DOK6: variants seen among roughly 807,000 people sequenced by gnomAD.
DOK6 encodes the protein docking protein 6.
In DOK6, 22 loss-of-function variants were observed where a neutral mutation model predicts 44.0. The observed-to-expected ratio is 0.50, with a 90% CI of 0.36 to 0.71. The LOEUF (loss-of-function observed/expected upper bound fraction) is 0.71. DOK6 is among the 30% of genes least tolerant of loss of function. The probability of loss-of-function intolerance (pLI) is 0.00; values close to 1 mark genes in which losing one functional copy is unlikely to be tolerated. For missense variants in DOK6, 340 were observed against 416.4 expected (o/e 0.82, Z 1.60); for synonymous variants, 166 against 145.5 (o/e 1.14, Z -1.01).
At position 69,628,449 on chromosome 18, in the gene DOK6, C is replaced by T. The variant is rs563506438; in HGVS notation, c.289+28951C>T. On this transcript the variant is annotated intron_variant, in intron 3 of 7. Coordinates refer to ENST00000382713, the MANE Select transcript of DOK6 (RefSeq NM_152721.6). ...AACTTGCAGTGAGCCAAGATCACGC[C>T]ACTGCACTTCAGCCTGGGTGACAGA... Among the ~76,000 whole-genome samples the T allele has an allele frequency of 3.9e-5, 6 of 152,166 alleles. No homozygotes were observed. The East Asian group carries it at 1.2e-3, about 29-fold the overall frequency.
chr18:69,417,711 G>A (rs544613369), intron 1 of DOK6, among the ~76,000 whole-genome samples: 13 of 151,812 alleles, frequency 8.6e-5, no homozygotes, highest in African/African-American at 1.5e-4. Context: ...TTGCATCCTC[G>A]CCAGCATTTA....
chr18:69,417,529 A>C (rs191674067), intron 1 of DOK6, among the ~76,000 whole-genome samples: 237 of 152,212 alleles, frequency 1.6e-3, no homozygotes, highest in African/African-American at 5.5e-3. Context: ...TAAATATGGC[A>C]GTCATGTATC....
chr18:69,775,142 C>A (rs1980022580), intron 7 of DOK6, among the ~76,000 whole-genome samples: 1 of 151,836 alleles, frequency 6.6e-6, no homozygotes, highest in African/African-American at 2.4e-5. Flanking sequence ...AAACCATCTT[C>A]AAATAACTAA....
At chr18:69,599,892 C>T (rs1381841699) in intron 3 of DOK6, among the ~76,000 whole-genome samples, 2 of 152,182 alleles carry the variant, frequency 1.3e-5, no homozygotes, top group African/African-American at 4.8e-5. Flanking sequence ...AGTCCGCAGA[C>T]ACCACAAAAC....
intron 3 of DOK6, 73 bp downstream of exon 3, chr18:69,599,571 G>A: frequency 8.0e-7 from 1 of 1,242,738 alleles, no homozygotes; most frequent in South Asian, 1.3e-5. Flanking sequence ...GGCGGATTAA[G>A]GTACACTATT....
chr18:69,419,087 C>T (rs1325355002), intron 1 of DOK6, among the ~76,000 whole-genome samples: 1 of 152,104 alleles, frequency 6.6e-6, no homozygotes, highest in East Asian at 1.9e-4. Flanking sequence ...TTTGAACACT[C>T]CATTGACTTT....
chr18:69,438,672 C>A (rs965248000), intron 1 of DOK6, among the ~76,000 whole-genome samples: 1 of 152,168 alleles, frequency 6.6e-6, no homozygotes, highest in African/African-American at 2.4e-5. Flanking sequence ...CCATTTGTGG[C>A]AGCTACAAAC....
chr18:69,472,033 G>C (rs559056215), intron 1 of DOK6, among the ~76,000 whole-genome samples: 3 of 152,142 alleles, frequency 2.0e-5, no homozygotes, highest in South Asian at 4.2e-4. Flanking sequence ...CTGTGGTCAG[G>C]GCTTTACATG....
chr18:69,651,167 C>A lies in DOK6; in HGVS notation c.290-26567C>A, dbSNP rs556079165. ...CATACAGACATCTGTGCCCGTCCTC[C>A]CCACTTGAGCCTCCTGTAATAACAG... is the stretch of plus-strand genomic sequence containing the variant. On this transcript the variant is annotated intron_variant, in intron 3 of 7. Coordinates refer to ENST00000382713, the MANE Select transcript of DOK6 (RefSeq NM_152721.6). Among the ~76,000 whole-genome samples, 19 of 152,222 alleles carry A rather than the reference C, an allele frequency of 1.2e-4. 1 individual carries two copies. Among genetic ancestry groups the A allele is most frequent in the African/African-American group, 4.6e-4 (19 of 41,548 alleles).
chr18:69,426,785 G>T (rs576874867), intron 1 of DOK6, among the ~76,000 whole-genome samples: 1 of 152,186 alleles, frequency 6.6e-6, no homozygotes, highest in East Asian at 1.9e-4. Flanking sequence ...CTACTAGTCT[G>T]ATGTTACCCT....
At chr18:69,535,467 C>T (rs994633878) in intron 1 of DOK6, among the ~76,000 whole-genome samples, 2 of 151,746 alleles carry the variant, frequency 1.3e-5, no homozygotes, top group Non-Finnish European at 1.5e-5. Context: ...TTTCCATAAA[C>T]AATTATGGTT....
intron 5 of DOK6, chr18:69,721,205 C>T (rs906725185): frequency 5.9e-5 from 9 of 152,142 alleles, no homozygotes; most frequent in African/African-American, 2.2e-4. Context: ...TACCTAATGT[C>T]CTTCTCTGAA....
intron 5 of DOK6, among the ~76,000 whole-genome samples, chr18:69,720,674 T>C (rs1675210030): frequency 6.6e-6 from 1 of 152,182 alleles, no homozygotes; most frequent in African/African-American, 2.4e-5. Context: ...TTTATTTTGG[T>C]TTTGCAATAT....
intron 7 of DOK6, among the ~76,000 whole-genome samples, chr18:69,784,024 A>G (rs555666272): frequency 6.6e-6 from 1 of 152,186 alleles, no homozygotes; most frequent in South Asian, 2.1e-4. Context: ...ATCTCTACCA[A>G]AAAATACAAA....
chr18:69,403,262 C>A (rs908450878), intron 1 of DOK6, among the ~76,000 whole-genome samples: 1 of 152,110 alleles, frequency 6.6e-6, no homozygotes, highest in African/African-American at 2.4e-5. Flanking sequence ...TCCCCTCCAC[C>A]CCATCCAAGC....
chr18:69,722,890 T>G (rs2144724977), intron 5 of DOK6, among the ~76,000 whole-genome samples: 1 of 152,186 alleles, frequency 6.6e-6, no homozygotes, highest in Middle Eastern at 3.4e-3. Flanking sequence ...CTGCAATAAC[T>G]CAAAAATACT....
Position 69,841,274 on chromosome 18 carries a change from G to C in DOK6, c.887G>C (p.Arg296Pro), listed in dbSNP as rs558527260. ...GGGTTTGGTTCGTCAAAGATGTCTC[G>C]TGCACAGACATTTCCCAGCTACGCC... is the stretch of plus-strand genomic sequence containing the variant. Reference protein sequence around the residue: ...GHGFGSSKMSRAQTFPSYAPE... With the variant: ...GHGFGSSKMSPAQTFPSYAPE... Residue 296 changes from arginine to proline, a missense_variant, in exon 8 of 8, where the codon CGT becomes CCT. Arg to Pro is a moderately radical substitution (Grantham distance 103). Around this residue, in one of 3 missense-constraint regions of DOK6, gnomAD observed 112 missense variants for 109.3 expected, o/e 1.02. Transcript: ENST00000382713. The C allele has an allele frequency of 6.2e-7, 1 of 1,614,086 alleles. No individual in the cohort carries two copies.
chr18:69,503,846 G>T (rs1026687893), intron 1 of DOK6, among the ~76,000 whole-genome samples: 1 of 151,876 alleles, frequency 6.6e-6, no homozygotes, highest in Non-Finnish European at 1.5e-5. Flanking sequence ...AAAAAGAAAT[G>T]AATAGAGTCA....
chr18:69,517,452 T>A (rs1017931798), intron 1 of DOK6, among the ~76,000 whole-genome samples: 1 of 152,214 alleles, frequency 6.6e-6, no homozygotes, highest in African/African-American at 2.4e-5. Flanking sequence ...ACTTGAGACA[T>A]TCTAGGCTCT....
Sources: gnomAD v4.1 joint callset for allele counts (sites outside exome capture counted in the v4.1 genomes callset) on GRCh38, gnomAD v4.1.1 for gene constraint, gnomAD v4.1.1 regional missense constraint, MANE v1.5 for transcripts, NCBI Gene and HGNC (gene_info 2026-07-23, HGNC 2026-07-21) for gene names.